ARB2A: variants seen among roughly 807,000 people sequenced by gnomAD.
ARB2A encodes ARB2 cotranscriptional regulator A.
the ARB2A span, among the ~76,000 whole-genome samples, chr5:94,084,237 G>A: frequency 2.3e-3 from 317 of 136,694 alleles, 1 homozygote; most frequent in African/African-American, 7.3e-3. Context: ...TTGCACTACT[G>A]CGCTCCAATC....
the ARB2A span, among the ~76,000 whole-genome samples, chr5:93,897,085 G>A: frequency 1.3e-5 from 2 of 152,050 alleles, no homozygotes; most frequent in East Asian, 1.9e-4. Flanking sequence ...ATAATTTAGT[G>A]TATAAAAGCA....
At chr5:94,031,687 C>A in the ARB2A span, among the ~76,000 whole-genome samples, 7 of 152,188 alleles carry the variant, frequency 4.6e-5, no homozygotes, top group African/African-American at 1.7e-4. Flanking sequence ...TACTAACCAT[C>A]AAAGCAATGA....
the ARB2A span, among the ~76,000 whole-genome samples, chr5:93,821,355 A>G: frequency 6.6e-6 from 1 of 152,072 alleles, no homozygotes. Context: ...TCAAAAGTAA[A>G]ATTTTATGGC....
the ARB2A span, among the ~76,000 whole-genome samples, chr5:93,707,000 A>G: frequency 1.3e-5 from 2 of 152,190 alleles, no homozygotes; most frequent in Non-Finnish European, 2.9e-5. Context: ...TTAAACTCAT[A>G]ATATATCCAT....
chr5:94,020,754 A>G, the ARB2A span, among the ~76,000 whole-genome samples: 1 of 152,230 alleles, frequency 6.6e-6, no homozygotes, highest in African/African-American at 2.4e-5. Context: ...CTGAACTACA[A>G]AAAGCCAGAG....
At chr5:93,721,638 C>T in the ARB2A span, among the ~76,000 whole-genome samples, 1 of 152,004 alleles carries the variant, frequency 6.6e-6, no homozygotes, top group South Asian at 2.1e-4. Flanking sequence ...CTGTGTTTCC[C>T]AACGTTGAGG....
At chr5:93,849,327 A>G in the ARB2A span, among the ~76,000 whole-genome samples, 1 of 152,224 alleles carries the variant, frequency 6.6e-6, no homozygotes, top group Non-Finnish European at 1.5e-5. Flanking sequence ...TAACATAAAA[A>G]TACAGAATGT....
the ARB2A span, among the ~76,000 whole-genome samples, chr5:93,812,709 G>GT: frequency 1.3e-5 from 2 of 152,140 alleles, no homozygotes; most frequent in Non-Finnish European, 2.9e-5. Flanking sequence ...ACAAATATTA[G>GT]AAGTTTAATA....
At chr5:93,701,703 A>T in the ARB2A span, among the ~76,000 whole-genome samples, 2 of 152,174 alleles carry the variant, frequency 1.3e-5, no homozygotes, top group East Asian at 3.9e-4. Context: ...GATCTTGCAA[A>T]GCTACTGATG....
At chr5:93,784,334 T>C in the ARB2A span, 3 of 1,359,952 alleles carry the variant, frequency 2.2e-6, no homozygotes, top group Admixed American at 1.8e-5. Context: ...GCTCAAGATA[T>C]AAAGGCTCAC....
the ARB2A span, among the ~76,000 whole-genome samples, chr5:94,020,503 A>C: frequency 6.6e-6 from 1 of 152,240 alleles, no homozygotes; most frequent in Non-Finnish European, 1.5e-5. Flanking sequence ...GGGCCTGCCC[A>C]AATGGTAAGT....
chr5:93,718,734 G>C, the ARB2A span, among the ~76,000 whole-genome samples: 1 of 152,128 alleles, frequency 6.6e-6, no homozygotes, highest in Non-Finnish European at 1.5e-5. Flanking sequence ...TCTAAGGAGT[G>C]GCTTCCTAAT....
chr5:93,922,144 T>C, the ARB2A span, among the ~76,000 whole-genome samples: 1 of 152,162 alleles, frequency 6.6e-6, no homozygotes, highest in Non-Finnish European at 1.5e-5. Context: ...CCATCATTGT[T>C]ACAGAAAAAG....
the ARB2A span, among the ~76,000 whole-genome samples, chr5:93,644,524 T>C: frequency 2.0e-5 from 3 of 152,322 alleles, no homozygotes; most frequent in Admixed American, 6.5e-5. Context: ...GATTTGAACA[T>C]ATGGATGGTC....
the ARB2A span, among the ~76,000 whole-genome samples, chr5:94,047,005 A>T: frequency 3.9e-5 from 6 of 152,362 alleles, no homozygotes; most frequent in East Asian, 1.2e-3. Flanking sequence ...CAAACATGAC[A>T]TAAGAAGCAT....
At chr5:94,076,468 G>A in the ARB2A span, among the ~76,000 whole-genome samples, 1 of 152,146 alleles carries the variant, frequency 6.6e-6, no homozygotes, top group African/African-American at 2.4e-5. Flanking sequence ...GGGTACTATG[G>A]TGAGTAAAAC....
chr5:93,627,259 T>G, the ARB2A span, among the ~76,000 whole-genome samples: 1 of 152,170 alleles, frequency 6.6e-6, no homozygotes, highest in Non-Finnish European at 1.5e-5. Flanking sequence ...CCATGAGTGC[T>G]GGAATCAACT....
chr5:93,991,961 T>G, the ARB2A span, among the ~76,000 whole-genome samples: 2 of 151,822 alleles, frequency 1.3e-5, no homozygotes, highest in Non-Finnish European at 2.9e-5. Flanking sequence ...TAAGGCACAT[T>G]CATAATCAAA....
chr5:93,894,213 T>C, the ARB2A span, among the ~76,000 whole-genome samples: 8 of 152,292 alleles, frequency 5.3e-5, no homozygotes, highest in South Asian at 1.0e-3. Context: ...TCATTAATCT[T>C]TATGAATACA....
Sources: allele counts gnomAD v4.1 joint callset (sites outside exome capture counted in the v4.1 genomes callset), GRCh38; gene constraint gnomAD v4.1.1; transcripts MANE v1.5; gene names NCBI Gene and HGNC (gene_info 2026-07-23, HGNC 2026-07-21).